Variants in PDXDC1 observed in about 807,000 individuals in gnomAD.
The protein encoded by PDXDC1 is pyridoxal-dependent decarboxylase domain-containing protein 1.
Under a neutral mutation model 100.1 loss-of-function variants are expected in PDXDC1, and 42 were observed. The ratio of observed to expected loss-of-function variants is 0.42; its 90% CI spans 0.33 to 0.54. PDXDC1 has a LOEUF of 0.54. Among genes scored for constraint, PDXDC1 ranks in the 20% least tolerant of loss-of-function variants. PDXDC1 has a pLI of 0.10. For missense variants in PDXDC1, 636 were observed against 979.2 expected, an observed-to-expected ratio of 0.65 and a Z score of 4.68; for synonymous variants, 260 against 371.7, an observed-to-expected ratio of 0.70 and a Z score of 3.46.
chr16:15,104,499 CGCTGAGGGTGGA>C (rs367936827), intron 16 of PDXDC1: 11 of 1,449,288 alleles, frequency 7.6e-6, no homozygotes, highest in East Asian at 2.7e-5. Flanking sequence ...GATTATCATC[CGCTGAGGGTGGA>C]GCTGAGGGTG....
intron 16 of PDXDC1, chr16:15,065,235 G>T: frequency 6.2e-7 from 1 of 1,613,554 alleles, no homozygotes; most frequent in South Asian, 1.1e-5. Context: ...AGCACACAGG[G>T]ATCAAAGGGG....
At chr16:15,131,410 C>T (rs1374598667) in intron 16 of PDXDC1, 15 of 1,607,354 alleles carry the variant, frequency 9.3e-6, no homozygotes, top group Admixed American at 1.7e-5. Flanking sequence ...CACCACGTCA[C>T]TGAGGTTAGC....
chr16:15,076,102 T>C (rs1010021133), intron 16 of PDXDC1, among the ~76,000 whole-genome samples: 1 of 152,032 alleles, frequency 6.6e-6, no homozygotes, highest in African/African-American at 2.4e-5. Flanking sequence ...CCCGTTTAGC[T>C]CCCCTGCCCT....
chr16:15,134,185 C>G, intron 16 of PDXDC1: 3 of 1,234,698 alleles, frequency 2.4e-6, no homozygotes, highest in Non-Finnish European at 2.3e-6. Context: ...CCCGCCCACA[C>G]CCCGCTCAAC....
At position 15,032,250 on chromosome 16, in the gene PDXDC1, G is replaced by A. The variant is rs777242972; in HGVS notation, c.1571+344G>A. Reference sequence around the variant, plus strand: ...CAGTAAGAAAAAGAACCCAGCTCTCGGGGAGAGAACTGGGTGCAGTCCTAT... The same window carrying A: ...CAGTAAGAAAAAGAACCCAGCTCTCAGGGAGAGAACTGGGTGCAGTCCTAT... On this transcript the variant is annotated intron_variant, in intron 17 of 22. Transcript: ENST00000396410. 6 of 275,292 alleles carry A rather than the reference G, an allele frequency of 2.2e-5. No individual in the cohort carries two copies. In the East Asian group the frequency reaches 2.7e-4, roughly 12 times the overall value. The allele number at this position is 275,292 out of a possible 1,614,324, so 17.1% of individuals were successfully genotyped here.
Position 15,087,025 on chromosome 16 carries a change from G to A in PDXDC1, c.1400-51854G>A, listed in dbSNP as rs542727783. Among the ~76,000 whole-genome samples the A allele has an allele frequency of 7.9e-5, 12 of 152,280 alleles. No individual in the cohort carries two copies. The East Asian group carries it at 2.3e-3, about 29-fold the overall frequency. On this transcript the variant is annotated intron_variant, in intron 16 of 16. Transcript: ENST00000535621. ...TCGGGCAATCAAATTACTGTTCATA[G>A]TAATTGTTAGTGACATGAGAAGAAC...
intron 19 of PDXDC1, 127 bp from the exon 20 acceptor site, chr16:15,034,159 G>T: frequency 1.4e-6 from 1 of 736,800 alleles, no homozygotes. Flanking sequence ...TTCGTTTTAC[G>T]CCGGCTTTTC....
At chr16:14,995,784 G>A (rs1426278389) in intron 1 of PDXDC1, among the ~76,000 whole-genome samples, 1 of 152,268 alleles carries the variant, frequency 6.6e-6, no homozygotes, top group African/African-American at 2.4e-5. Context: ...ACCTTTTTTG[G>A]TTGGTAAGCT....
rs2045348345 is a variant in PDXDC1, at chr16:15,074,040, A to G, written c.1399+43984A>G. 3.3e-5 allele frequency among the ~76,000 whole-genome samples: 5 copies of G among 152,252 alleles called. No homozygotes were observed. The South Asian group carries it at 1.0e-3, about 32-fold the overall frequency. On this transcript the variant is annotated intron_variant, in intron 16 of 16. Transcript: ENST00000535621. Reference sequence around the variant, plus strand: ...TCCTACATATACAGACGCTAACAGAAAAGGGAAAAAAGTCAAACTTCAAAA... The same window carrying G: ...TCCTACATATACAGACGCTAACAGAGAAGGGAAAAAAGTCAAACTTCAAAA...
intron 11 of PDXDC1, among the ~76,000 whole-genome samples, chr16:15,018,479 A>G (rs1355477000): frequency 6.6e-6 from 1 of 152,278 alleles, no homozygotes; most frequent in Non-Finnish European, 1.5e-5. Flanking sequence ...GGTTTAAGTG[A>G]TTTCTGCTAA....
intron 16 of PDXDC1, among the ~76,000 whole-genome samples, chr16:15,124,162 C>T: frequency 6.6e-6 from 1 of 152,144 alleles, no homozygotes. Flanking sequence ...GGCTTGGCCG[C>T]ATCATGTGTG....
chr16:15,024,748 C>T (rs1407502345), intron 13 of PDXDC1, among the ~76,000 whole-genome samples: 2 of 152,294 alleles, frequency 1.3e-5, no homozygotes, highest in Non-Finnish European at 2.9e-5. Flanking sequence ...GGTTTCTTAT[C>T]TTTCAGATCT....
chr16:15,145,628 G>A, the PDXDC1 span, among the ~76,000 whole-genome samples: 1 of 152,256 alleles, frequency 6.6e-6, no homozygotes, highest in Non-Finnish European at 1.5e-5. Flanking sequence ...AGCCCCAGAT[G>A]TAGCCCTTCT....
Position 15,068,201 on chromosome 16 carries a change from G to A in PDXDC1, c.1399+38145G>A, listed in dbSNP as rs779057571. The A allele has an allele frequency of 7.5e-6, 12 of 1,596,362 alleles. No individual in the cohort carries two copies. In the Admixed American group the frequency reaches 2.1e-4, roughly 27 times the overall value. On this transcript the variant is annotated intron_variant, in intron 16 of 16. Coordinates refer to the PDXDC1 transcript ENST00000535621. ...TTGCAGCAAAAAAGTTAACCACTGA[G>A]GGCAGGCAAATCTTCAGGGGATTTA...
chr16:15,011,575 TAAG>T (rs1165634221), intron 8 of PDXDC1, among the ~76,000 whole-genome samples: 2 of 151,918 alleles, frequency 1.3e-5, no homozygotes, highest in East Asian at 1.9e-4. Context: ...AAGCCCCTAT[TAAG>T]AAGATGAAAG....
At chr16:15,005,257 G>A (rs1974006123) in intron 5 of PDXDC1, among the ~76,000 whole-genome samples, 2 of 151,140 alleles carry the variant, frequency 1.3e-5, no homozygotes, top group Admixed American at 6.6e-5. Flanking sequence ...TCCTCTGGAC[G>A]CTGAGGCACT....
At chr16:14,976,983 T>C (rs543420073) in intron 1 of PDXDC1, 39 of 152,396 alleles carry the variant, frequency 2.6e-4, no homozygotes, top group Non-Finnish European at 4.7e-4. Context: ...TTAGCCTTTA[T>C]AGGAAAATCT....
intron 16 of PDXDC1, chr16:15,076,416 T>C (rs2045456158): frequency 1.5e-6 from 1 of 682,102 alleles, no homozygotes; most frequent in Non-Finnish European, 2.7e-6. Context: ...TGGCAGCAAA[T>C]TACTCATATA....
intron 2 of PDXDC1, 137 bp from the exon 3 acceptor site, chr16:14,998,203 G>C (rs1393269175): frequency 1.4e-6 from 1 of 739,458 alleles, no homozygotes; most frequent in African/African-American, 1.8e-5. Flanking sequence ...TGGAGGCAGG[G>C]AGATGTGATA....
Sources: gnomAD v4.1 joint callset for allele counts (sites outside exome capture counted in the v4.1 genomes callset) on GRCh38, gnomAD v4.1.1 for gene constraint, MANE v1.5 for transcripts, NCBI Gene and HGNC (gene_info 2026-07-23, HGNC 2026-07-21) for gene names.